Variants in SLC27A2 observed in about 807,000 individuals in gnomAD.
The protein encoded by SLC27A2 is solute carrier family 27 member 2.
Under a neutral mutation model 60.0 loss-of-function variants are expected in SLC27A2, and 54 were observed. That is an observed-to-expected ratio of 0.90 (90% CI 0.72 to 1.13). The LOEUF (loss-of-function observed/expected upper bound fraction) is 1.13. Ranked by LOEUF, SLC27A2 falls within the 50% of genes most tolerant of loss-of-function variation. SLC27A2 has a pLI of 0.00. For missense variants in SLC27A2, 739 were observed against 777.6 expected (o/e 0.95, Z 0.59); for synonymous variants, 297 against 297.6 (o/e 1.00, Z 0.02).
intron 1 of SLC27A2, among the ~76,000 whole-genome samples, chr15:50,184,886 G>T (rs1043436041): frequency 6.6e-6 from 1 of 152,132 alleles, no homozygotes; most frequent in African/African-American, 2.4e-5. Flanking sequence ...AAATTATTTG[G>T]AAGAGATGGT....
chr15:50,224,897 C>T (rs2045268823), intron 5 of SLC27A2, among the ~76,000 whole-genome samples: 1 of 152,126 alleles, frequency 6.6e-6, no homozygotes, highest in Non-Finnish European at 1.5e-5. Flanking sequence ...CCCACTGGAA[C>T]TGCTGCTGAG....
chr15:50,183,193 G>A (rs2044883862), intron 1 of SLC27A2, among the ~76,000 whole-genome samples: 1 of 152,210 alleles, frequency 6.6e-6, no homozygotes, highest in Non-Finnish European at 1.5e-5. Flanking sequence ...TGAGACCACT[G>A]AGGTCCTGAG....
chr15:50,190,917 G>T (rs1290345625), intron 1 of SLC27A2: 1 of 152,162 alleles, frequency 6.6e-6, no homozygotes, highest in Non-Finnish European at 1.5e-5. Flanking sequence ...GATCATCCAT[G>T]TTACTCATTA....
chr15:50,227,432 G>C (rs746705824), intron 7 of SLC27A2, among the ~76,000 whole-genome samples: 1 of 152,222 alleles, frequency 6.6e-6, no homozygotes, highest in Non-Finnish European at 1.5e-5. Context: ...GGAGACAAAA[G>C]TACATTTAAC....
chr15:50,201,722 A>AT (rs1487400746), intron 2 of SLC27A2, among the ~76,000 whole-genome samples: 1 of 152,002 alleles, frequency 6.6e-6, no homozygotes, highest in South Asian at 2.1e-4. Context: ...CGCCCGGCTA[A>AT]TTTTTTGTAT....
intron 1 of SLC27A2, 36 bp downstream of exon 1, chr15:50,182,941 G>A (rs764340200): frequency 1.2e-5 from 19 of 1,556,244 alleles, no homozygotes; most frequent in Admixed American, 3.6e-5. Context: ...TGGCACCAGG[G>A]CTTCTCGGCG....
At chr15:50,192,643 C>T (rs2044983116) in intron 1 of SLC27A2, among the ~76,000 whole-genome samples, 1 of 151,898 alleles carries the variant, frequency 6.6e-6, no homozygotes, top group East Asian at 1.9e-4. Flanking sequence ...CTCCCAGGCT[C>T]AGGTGATCCT....
In SLC27A2 at chr15:50,233,977, G is replaced by A. The variant is rs955631652; in HGVS notation, c.1665G>A (p.Arg555=). 8.1e-6 allele frequency: 13 copies of A among 1,612,166 alleles called. No homozygotes were observed. The highest frequency in any genetic ancestry group is 2.2e-5 in the East Asian group (1 of 44,878). ...CTGATTACCTACCTAGTTATGCAAG[G>A]CCCCGGTTTCTAAGAATACAGGTGA... The part of the protein sequence containing the change: ...HIADYLPSYA[R]PRFLRIQDTI... Residue 555 remains arginine (R), a synonymous_variant, in exon 9 of 10, where the codon AGG becomes AGA. Coordinates refer to ENST00000267842, the MANE Select transcript of SLC27A2 (RefSeq NM_003645.4).
chr15:50,209,346 G>A (rs572242200), intron 4 of SLC27A2, among the ~76,000 whole-genome samples: 70 of 152,268 alleles, frequency 4.6e-4, no homozygotes, highest in African/African-American at 1.5e-3. Flanking sequence ...TGGGGCCCAA[G>A]ACAGAGGGAG....
chr15:50,209,203 G>A (rs1015225863), intron 4 of SLC27A2, among the ~76,000 whole-genome samples: 5 of 152,248 alleles, frequency 3.3e-5, no homozygotes, highest in South Asian at 2.1e-4. Flanking sequence ...TGTTGACTGC[G>A]TCCCCCCAGA....
chr15:50,214,046 A>C (rs1178279036), intron 4 of SLC27A2, among the ~76,000 whole-genome samples: 1 of 152,140 alleles, frequency 6.6e-6, no homozygotes, highest in Non-Finnish European at 1.5e-5. Context: ...TGAAAAGATA[A>C]AATTGATAGA....
intron 1 of SLC27A2, among the ~76,000 whole-genome samples, chr15:50,195,032 G>T (rs1031755624): frequency 2.0e-5 from 3 of 152,146 alleles, no homozygotes; most frequent in African/African-American, 7.2e-5. Context: ...CCTAGACAAT[G>T]TAAAGGGAAG....
At chr15:50,229,397 C>T (rs1160680118) in intron 8 of SLC27A2, among the ~76,000 whole-genome samples, 1 of 152,200 alleles carries the variant, frequency 6.6e-6, no homozygotes, top group Non-Finnish European at 1.5e-5. Context: ...AAAAGAAGAG[C>T]CAGTGCAGTT....
intron 1 of SLC27A2, among the ~76,000 whole-genome samples, chr15:50,188,959 A>G (rs1286767619): frequency 6.8e-6 from 1 of 147,046 alleles, no homozygotes; most frequent in Non-Finnish European, 1.5e-5. Context: ...GACTGTCTAG[A>G]TAGGTAGATA....
At chr15:50,211,036 G>A (rs1464087162) in intron 4 of SLC27A2, among the ~76,000 whole-genome samples, 2 of 152,198 alleles carry the variant, frequency 1.3e-5, no homozygotes, top group East Asian at 3.9e-4. Flanking sequence ...CCACCTGATG[G>A]TCCTTCCCTA....
chr15:50,234,775 A>T (rs539707582), intron 9 of SLC27A2, among the ~76,000 whole-genome samples: 49 of 152,156 alleles, frequency 3.2e-4, no homozygotes, highest in African/African-American at 1.1e-3. Context: ...AATATATCAG[A>T]AAACAGCTAG....
At chr15:50,228,885 A>G in intron 7 of SLC27A2, 60 bp from the exon 8 acceptor site, 1 of 1,158,378 alleles carries the variant, frequency 8.6e-7, no homozygotes, top group Non-Finnish European at 1.3e-6. Flanking sequence ...CAGCTCTCCG[A>G]CATTGCAACC....
intron 4 of SLC27A2, among the ~76,000 whole-genome samples, chr15:50,206,380 A>T (rs1188004873): frequency 6.6e-6 from 1 of 152,186 alleles, no homozygotes; most frequent in Non-Finnish European, 1.5e-5. Context: ...TTATTCAGTC[A>T]GTTTAAACTC....
chr15:50,226,048 G>A lies in SLC27A2; in HGVS notation c.1228G>A (p.Glu410Lys). ...GGAGAAAGATGAACCTGTCCGTGATGAAAATGGATATTGCGTCAGAGTTCC... is the reference window on the plus strand; with the variant it reads ...GGAGAAAGATGAACCTGTCCGTGATAAAAATGGATATTGCGTCAGAGTTCC... ...DVEKDEPVRD[E>K]NGYCVRVPKG... Residue 410 changes from glutamate (E) to lysine (K), a missense_variant, in exon 6 of 10, where the codon GAA (glutamate) becomes AAA (lysine). Transcript: ENST00000267842. 1.2e-6 allele frequency: 2 copies of A among 1,611,586 alleles called. No individual in the cohort carries two copies. Among genetic ancestry groups the A allele is most frequent in the Middle Eastern group, 3.3e-4 (2 of 6,050 alleles).
Sources: gnomAD v4.1 joint callset for allele counts (sites outside exome capture counted in the v4.1 genomes callset) on GRCh38, gnomAD v4.1.1 for gene constraint, MANE v1.5 for transcripts, NCBI Gene and HGNC (gene_info 2026-07-23, HGNC 2026-07-21) for gene names.